The following MAP1LC3B variants were observed in gnomAD, a reference collection of about 807,000 sequenced individuals.
MAP1LC3B encodes the protein microtubule-associated protein 1 light chain 3 beta.
A neutral mutation model predicts 16.7 loss-of-function variants in MAP1LC3B; 12 were observed. The ratio of observed to expected loss-of-function variants is 0.72; its 90% CI spans 0.46 to 1.16. MAP1LC3B has a LOEUF of 1.16. MAP1LC3B is among the 50% of genes most tolerant of loss of function. The pLI is 0.00. For synonymous variants in MAP1LC3B, 63 were observed against 56.5 expected, an observed-to-expected ratio of 1.11 and a Z score of -0.51; for missense variants, 155 against 159.5, an observed-to-expected ratio of 0.97 and a Z score of 0.15.
chr16:87,392,661 A>C lies in MAP1LC3B; in HGVS notation c.40+194A>C, dbSNP rs1597387283. Reference sequence around the variant, plus strand: ...GGACCCAGGCCGGGACCGAGCCGGGAGGGCCAGGGGCTGGTCTGGGCCGGG... The same window carrying C: ...GGACCCAGGCCGGGACCGAGCCGGGCGGGCCAGGGGCTGGTCTGGGCCGGG... On this transcript the variant is annotated intron_variant, in intron 1 of 3. Transcript: ENST00000268607. 4 of 320,282 alleles carry C rather than the reference A, an allele frequency of 1.2e-5. No individual in the cohort carries two copies. In the East Asian group the frequency reaches 5.0e-4, roughly 40 times the overall value. The allele number at this position is 320,282 out of a possible 1,614,324, so 19.8% of individuals were successfully genotyped here. A position where few individuals can be genotyped will look rare whatever the true frequency, so the allele number is the denominator to read the frequency against.
At chr16:87,398,905 T>C (rs762872669) in intron 2 of MAP1LC3B, 35 bp downstream of exon 2, 39 of 1,591,868 alleles carry the variant, frequency 2.4e-5, no homozygotes, top group Non-Finnish European at 3.1e-5. Context: ...CAGTCATGAA[T>C]GTACGCAGAG....
intron 2 of MAP1LC3B, among the ~76,000 whole-genome samples, chr16:87,400,555 C>CT (rs1345308175): frequency 6.6e-6 from 1 of 152,124 alleles, no homozygotes; most frequent in East Asian, 1.9e-4. Context: ...ATGCACAAAA[C>CT]TTTGTCTCTA....
chr16:87,402,330 T>C, intron 3 of MAP1LC3B, 49 bp downstream of exon 3: 1 of 1,523,652 alleles, frequency 6.6e-7, no homozygotes. Context: ...AGTAACTTCT[T>C]ATTCTTTATG....
chr16:87,397,125 C>T (rs1240471906), intron 1 of MAP1LC3B, among the ~76,000 whole-genome samples: 1 of 152,048 alleles, frequency 6.6e-6, no homozygotes, highest in East Asian at 1.9e-4. Context: ...TGCGCCCAGC[C>T]ACCAAATTTA....
At position 87,403,031 on chromosome 16, in the gene MAP1LC3B, T is replaced by G; in HGVS notation, c.312T>G (p.Asp104Glu). The G allele has an allele frequency of 6.2e-7, 1 of 1,614,138 alleles. No individual in the cohort carries two copies. The highest frequency in any genetic ancestry group is 8.5e-7 in the Non-Finnish European group (1 of 1,180,012). ...CAGAGGTGTATGAGAGTGAGAAAGATGAAGATGGATTCCTGTACATGGTCT... is the reference window on the plus strand; with the variant it reads ...CAGAGGTGTATGAGAGTGAGAAAGAGGAAGATGGATTCCTGTACATGGTCT... ...PISEVYESEK[D>E]EDGFLYMVYA... The change falls in exon 4 of 4, where the codon GAT (aspartate) becomes GAG (glutamate). Residue 104 changes from aspartate (D) to glutamate (E), a missense_variant. Coordinates refer to ENST00000268607, the MANE Select transcript of MAP1LC3B (RefSeq NM_022818.5).
intron 1 of MAP1LC3B, among the ~76,000 whole-genome samples, chr16:87,395,104 A>G (rs926396600): frequency 6.6e-6 from 1 of 152,220 alleles, no homozygotes. Context: ...AATCCTGGAA[A>G]AACTGAAATT....
Position 87,402,916 on chromosome 16 carries a change from T to A in MAP1LC3B, c.204-7T>A. ...CAATATTTCTTCACGTTGTTTTCTT[T>A]CAATAGAAGGCGCTTACAGCTCAAT... On this transcript the variant is annotated splice_region_variant and splice_polypyrimidine_tract_variant and intron_variant, in intron 3 of 3. Transcript: ENST00000268607. 6.2e-7 allele frequency: 1 copy of A among 1,613,708 alleles called. No individual in the cohort carries two copies. The highest frequency in any genetic ancestry group is 8.5e-7 in the Non-Finnish European group (1 of 1,179,804).
intron 1 of MAP1LC3B, chr16:87,393,179 C>T (rs1047690661): frequency 6.6e-6 from 1 of 152,320 alleles, no homozygotes; most frequent in African/African-American, 2.4e-5. Context: ...CATCCCTTTT[C>T]TGCCGGTTCA....
intron 2 of MAP1LC3B, chr16:87,399,416 G>A (rs1597390194): frequency 9.5e-6 from 3 of 315,686 alleles, no homozygotes; most frequent in South Asian, 5.1e-5. Context: ...ACTTCAGAAC[G>A]TGTCCGCTAG....
Position 87,403,155 on chromosome 16 carries a change from G to C in MAP1LC3B, c.*58G>C. The stretch of plus-strand genomic sequence containing the variant: ...TTAAACCCTTACCAAGGAAAAAAAA[G>C]GGATGTTACCAACTGAGATCGATCA... On this transcript the variant is annotated 3_prime_UTR_variant, in exon 4 of 4. Coordinates refer to ENST00000268607, the MANE Select transcript of MAP1LC3B (RefSeq NM_022818.5). 4.5e-6 allele frequency: 7 copies of C among 1,555,882 alleles called. No individual in the cohort carries two copies. The highest frequency in any genetic ancestry group is 6.1e-6 in the Non-Finnish European group (7 of 1,152,940).
intron 2 of MAP1LC3B, chr16:87,399,689 A>ACTC: frequency 4.7e-6 from 2 of 424,724 alleles, no homozygotes; most frequent in South Asian, 3.4e-5. Flanking sequence ...GTGGTCAGGT[A>ACTC]TTATAACAGC....
intron 2 of MAP1LC3B, 109 bp from the exon 3 acceptor site, chr16:87,402,066 A>G: frequency 1.0e-6 from 1 of 955,378 alleles, no homozygotes; most frequent in Non-Finnish European, 1.6e-6. Context: ...CAGTCTCCTG[A>G]CCTCGTGATG....
In MAP1LC3B at chr16:87,404,102, C is replaced by G. The variant is rs1393793195; in HGVS notation, c.*1005C>G. ...CACATTTTGAATAGTAGTTATCACT[C>G]TTAGGTCAGACAGCCATCAGAATTC... On this transcript the variant is annotated 3_prime_UTR_variant, in exon 4 of 4. Coordinates refer to ENST00000268607, the MANE Select transcript of MAP1LC3B (RefSeq NM_022818.5). 6.6e-6 allele frequency: 1 copy of G among 152,096 alleles called. No homozygotes were observed. Among genetic ancestry groups the G allele is most frequent in the Non-Finnish European group, 1.5e-5 (1 of 68,024 alleles). The allele number at this position is 152,096 out of a possible 1,614,324, so 9.4% of individuals were successfully genotyped here.
intron 1 of MAP1LC3B, among the ~76,000 whole-genome samples, chr16:87,395,032 A>G (rs1907749282): frequency 6.7e-6 from 1 of 148,430 alleles, no homozygotes; most frequent in African/African-American, 2.5e-5. Flanking sequence ...GGTGTGAGCC[A>G]CCACGCCTGG....
intron 3 of MAP1LC3B, 49 bp from the exon 4 acceptor site, chr16:87,402,874 C>T: frequency 6.2e-7 from 1 of 1,605,802 alleles, no homozygotes; most frequent in Non-Finnish European, 8.5e-7. Context: ...CATGCTTCAT[C>T]CTTCTTGTAT....
At chr16:87,402,396 C>A in intron 3 of MAP1LC3B, 115 bp downstream of exon 3, 2 of 972,628 alleles carry the variant, frequency 2.1e-6, no homozygotes, top group Non-Finnish European at 3.0e-6. Flanking sequence ...TATTTTTCAG[C>A]TGAATTCAGT....
intron 2 of MAP1LC3B, 36 bp from the exon 3 acceptor site, chr16:87,402,139 T>C: frequency 6.2e-7 from 1 of 1,612,344 alleles, no homozygotes; most frequent in Non-Finnish European, 8.5e-7. Flanking sequence ...CTGGCCCTGA[T>C]GACTATTTTA....
chr16:87,402,425 A>C, intron 3 of MAP1LC3B, 144 bp downstream of exon 3: 1 of 779,200 alleles, frequency 1.3e-6, no homozygotes, highest in Non-Finnish European at 2.0e-6. Context: ...AGTTATGATT[A>C]AAACAATTTC....
rs1179792119 is a variant in MAP1LC3B at position 87,404,038 on chromosome 16, A to C, written c.*941A>C. On this transcript the variant is annotated 3_prime_UTR_variant, in exon 4 of 4. Coordinates refer to ENST00000268607, the MANE Select transcript of MAP1LC3B (RefSeq NM_022818.5). ...GGATGATCCACGTTTTTGTTTTTTT[A>C]ATGTTAAATGTGTAACTCAGTATTA... 6.6e-6 allele frequency: 1 copy of C among 152,160 alleles called. No homozygotes were observed. Among genetic ancestry groups the C allele is most frequent in the African/African-American group, 2.4e-5 (1 of 41,434 alleles). The allele number at this position is 152,160 out of a possible 1,614,324, so 9.4% of individuals were successfully genotyped here.
Sources: allele counts gnomAD v4.1 joint callset (sites outside exome capture counted in the v4.1 genomes callset), GRCh38; gene constraint gnomAD v4.1.1; transcripts MANE v1.5; gene names NCBI Gene and HGNC (gene_info 2026-07-23, HGNC 2026-07-21).